MECOM: variants seen among roughly 807,000 people sequenced by gnomAD.
The protein encoded by MECOM is MDS1 and EVI1 complex locus, also known as histone-lysine N-methyltransferase MECOM.
Under a neutral mutation model 116.3 loss-of-function variants are expected in MECOM, and 13 were observed. The observed-to-expected ratio is 0.11, with a 90% CI of 0.07 to 0.18. The LOEUF is 0.18. MECOM is among the 10% of genes least tolerant of loss of function. The pLI, the probability that MECOM is intolerant of heterozygous loss-of-function variation, is 1.00. For missense variants in MECOM, 1,299 were observed against 1,509.0 expected (o/e 0.86, Z 2.31); for synonymous variants, 528 against 535.2 (o/e 0.99, Z 0.19).
chr3:169,363,255 A>G (rs1015349511), intron 2 of MECOM, among the ~76,000 whole-genome samples: 3 of 151,954 alleles, frequency 2.0e-5, no homozygotes, highest in African/African-American at 7.2e-5. Context: ...TTTAGGGGAA[A>G]TGTATTTGGT....
chr3:169,458,628 T>G (rs1330471283), intron 1 of MECOM, among the ~76,000 whole-genome samples: 1 of 152,216 alleles, frequency 6.6e-6, no homozygotes, highest in Non-Finnish European at 1.5e-5. Flanking sequence ...ATGTCTTGCC[T>G]CATGATTCAT....
chr3:169,218,770 A>G (rs1394812822), intron 2 of MECOM, among the ~76,000 whole-genome samples: 1 of 152,130 alleles, frequency 6.6e-6, no homozygotes, highest in Non-Finnish European at 1.5e-5. Flanking sequence ...TGCTTGCCCA[A>G]AATCATTCAG....
intron 1 of MECOM, among the ~76,000 whole-genome samples, chr3:169,600,648 C>T (rs1478077946): frequency 2.0e-5 from 3 of 152,180 alleles, no homozygotes; most frequent in Non-Finnish European, 2.9e-5. Context: ...TTATAAACCG[C>T]ATTTCAGGAG....
intron 1 of MECOM, among the ~76,000 whole-genome samples, chr3:169,403,750 A>G (rs1560229252): frequency 2.0e-5 from 3 of 152,242 alleles, no homozygotes; most frequent in Admixed American, 6.5e-5. Flanking sequence ...GGGGCTCTAT[A>G]TTAATAAGCC....
chr3:169,177,858 C>T (rs149780246), intron 2 of MECOM, among the ~76,000 whole-genome samples: 13 of 150,494 alleles, frequency 8.6e-5, no homozygotes, highest in East Asian at 2.0e-4. Context: ...GCAGAGGTTG[C>T]GGTGAGATGA....
chr3:169,119,647 C>G (rs931290850), intron 7 of MECOM, among the ~76,000 whole-genome samples: 1 of 151,770 alleles, frequency 6.6e-6, no homozygotes, highest in South Asian at 2.1e-4. Flanking sequence ...ATAAAACTTA[C>G]CAAAATTTAT....
intron 2 of MECOM, among the ~76,000 whole-genome samples, chr3:169,270,114 T>G (rs1758754549): frequency 6.6e-6 from 1 of 152,158 alleles, no homozygotes; most frequent in African/African-American, 2.4e-5. Flanking sequence ...GGACAATGTA[T>G]AGTAGTTATA....
intron 9 of MECOM, among the ~76,000 whole-genome samples, chr3:169,109,106 G>T (rs1418318257): frequency 6.6e-6 from 1 of 152,056 alleles, no homozygotes; most frequent in African/African-American, 2.4e-5. Context: ...TCCAAAATAG[G>T]AACAAACGAA....
chr3:169,537,092 A>G (rs1181953614), intron 1 of MECOM, among the ~76,000 whole-genome samples: 1 of 152,110 alleles, frequency 6.6e-6, no homozygotes, highest in African/African-American at 2.4e-5. Flanking sequence ...TATAATTCCT[A>G]TGGGCAGGAC....
intron 1 of MECOM, among the ~76,000 whole-genome samples, chr3:169,486,272 A>C (rs889096965): frequency 6.6e-6 from 1 of 151,882 alleles, no homozygotes; most frequent in African/African-American, 2.4e-5. Flanking sequence ...AAGTTTACTA[A>C]GTAAAGGAGG....
At chr3:169,484,087 A>G (rs1751786215) in intron 1 of MECOM, 1 of 893,164 alleles carries the variant, frequency 1.1e-6, no homozygotes, top group Non-Finnish European at 1.8e-6. Flanking sequence ...AAAATAATCT[A>G]TTGTTATTCT....
intron 1 of MECOM, among the ~76,000 whole-genome samples, chr3:169,567,278 C>G (rs1354469650): frequency 6.6e-6 from 1 of 152,198 alleles, no homozygotes; most frequent in Non-Finnish European, 1.5e-5. Flanking sequence ...CTTAGAATAA[C>G]TTCTAGTCCA....
At chr3:169,312,357 T>C (rs1302912620) in intron 2 of MECOM, among the ~76,000 whole-genome samples, 1 of 148,138 alleles carries the variant, frequency 6.8e-6, no homozygotes, top group Non-Finnish European at 1.5e-5. Flanking sequence ...GAGGCAAGAA[T>C]GACTGCAATT....
At chr3:169,661,820 G>A (rs561506536) in intron 1 of MECOM, among the ~76,000 whole-genome samples, 55 of 152,218 alleles carry the variant, frequency 3.6e-4, no homozygotes, top group African/African-American at 1.3e-3. Context: ...GATTTCACTG[G>A]GGAGAAGCAT....
chr3:169,176,909 C>G (rs997190424), intron 2 of MECOM, among the ~76,000 whole-genome samples: 1 of 152,032 alleles, frequency 6.6e-6, no homozygotes. Flanking sequence ...ATCAAAATCA[C>G]AATGAGATAC....
intron 2 of MECOM, among the ~76,000 whole-genome samples, chr3:169,378,493 GAAAGAAAGAAAGAAAGAAAGAAAAGAA>G: frequency 9.7e-5 from 3 of 30,906 alleles, no homozygotes; most frequent in South Asian, 1.7e-3. Context: ...GAGAGAGAAA[GAAAGAAAGAAAGAAAGAAAGAAAAGAA>G]AGAAAGAAAG....
At chr3:169,133,951 T>C (rs564337200) in intron 3 of MECOM, 1 of 1,289,520 alleles carries the variant, frequency 7.8e-7, no homozygotes, top group South Asian at 1.2e-5. Context: ...ACTTATTAGC[T>C]TCCTTTCCAA....
intron 2 of MECOM, among the ~76,000 whole-genome samples, chr3:169,192,427 T>G (rs1468887835): frequency 6.6e-6 from 1 of 152,002 alleles, no homozygotes; most frequent in Non-Finnish European, 1.5e-5. Flanking sequence ...AACCTCAAAT[T>G]TTTTTATTTA....
At chr3:169,334,911 T>C (rs2149781106) in intron 2 of MECOM, among the ~76,000 whole-genome samples, 1 of 152,270 alleles carries the variant, frequency 6.6e-6, no homozygotes, top group East Asian at 1.9e-4. Flanking sequence ...CATAGTTACC[T>C]ATTTAGACTT....
Sources: gnomAD v4.1 joint callset for allele counts (sites outside exome capture counted in the v4.1 genomes callset) on GRCh38, gnomAD v4.1.1 for gene constraint, MANE v1.5 for transcripts, NCBI Gene and HGNC (gene_info 2026-07-23, HGNC 2026-07-21) for gene names.